The following PLEKHA5 variants were observed in gnomAD, a reference collection of about 807,000 sequenced individuals.
PLEKHA5 encodes pleckstrin homology domain-containing family A member 5.
Under a neutral mutation model 181.9 loss-of-function variants are expected in PLEKHA5, and 55 were observed. The observed-to-expected ratio is 0.30, with a 90% CI of 0.24 to 0.38. The LOEUF is 0.38. PLEKHA5 is among the 10% of genes least tolerant of loss of function. The pLI, the probability that PLEKHA5 is intolerant of heterozygous loss-of-function variation, is 1.00. For synonymous variants in PLEKHA5, 535 were observed against 529.4 expected, an observed-to-expected ratio of 1.01 and a Z score of -0.15; for missense variants, 1,432 against 1,549.5, an observed-to-expected ratio of 0.92 and a Z score of 1.27.
At chr12:19,264,795 GTC>G (rs1565537978) in intron 7 of PLEKHA5, among the ~76,000 whole-genome samples, 17 of 151,630 alleles carry the variant, frequency 1.1e-4, no homozygotes, top group Non-Finnish European at 1.9e-4. Context: ...AAACAAAAAA[GTC>G]ACACACAGCA....
intron 29 of PLEKHA5, among the ~76,000 whole-genome samples, chr12:19,363,787 C>T (rs375021006): frequency 6.6e-6 from 1 of 152,170 alleles, no homozygotes; most frequent in Admixed American, 6.6e-5. Flanking sequence ...CCACCATACC[C>T]AGCCTTAACT....
At chr12:19,329,496 A>T (rs1393003726) in intron 20 of PLEKHA5, among the ~76,000 whole-genome samples, 1 of 152,114 alleles carries the variant, frequency 6.6e-6, no homozygotes, top group African/African-American at 2.4e-5. Context: ...TTTTTATTAC[A>T]GATTCAATTT....
chr12:19,189,222 A>C (rs1451887207), intron 3 of PLEKHA5, among the ~76,000 whole-genome samples: 7 of 152,192 alleles, frequency 4.6e-5, no homozygotes, highest in Non-Finnish European at 8.8e-5. Context: ...GTGCAGGACC[A>C]AGTAGCTTCA....
intron 15 of PLEKHA5, among the ~76,000 whole-genome samples, chr12:19,313,514 T>C (rs968718589): frequency 3.3e-5 from 5 of 152,226 alleles, no homozygotes; most frequent in Non-Finnish European, 5.9e-5. Flanking sequence ...AAACATTCTG[T>C]ATGTTTTGAT....
intron 15 of PLEKHA5, among the ~76,000 whole-genome samples, chr12:19,312,953 A>T (rs931939353): frequency 6.6e-6 from 1 of 152,190 alleles, no homozygotes; most frequent in Non-Finnish European, 1.5e-5. Flanking sequence ...TTGCACTGTT[A>T]GAAGCCATTG....
rs375893272 is a variant in PLEKHA5 at position 19,195,183 on chromosome 12, AC to A, written c.228-58756del. On this transcript the variant is annotated intron_variant, in intron 3 of 31. Coordinates refer to ENST00000429027, the MANE Select transcript of PLEKHA5 (RefSeq NM_001256470.2). ...GACTAGGACTTGAACCTGAACCATC[AC>A]ACTCCAGATCTCTCCATACCACACT... Among the ~76,000 whole-genome samples, 831 of 152,208 alleles carry A rather than the reference AC, an allele frequency of 5.5e-3. 7 individuals are homozygous for A. Among genetic ancestry groups the A allele is most frequent in the African/African-American group, 0.019 (802 of 41,526 alleles).
chr12:19,134,521 T>C (rs1412026797), intron 3 of PLEKHA5, among the ~76,000 whole-genome samples: 2 of 152,138 alleles, frequency 1.3e-5, no homozygotes, highest in African/African-American at 4.8e-5. Context: ...ATGTACTGAA[T>C]GTTAGGTGCT....
chr12:19,172,065 CTAAAA>C lies in PLEKHA5; in HGVS notation c.227+39619_227+39623del, dbSNP rs2046025113. ...TTTTAATAAGTAGAAGGAGTACACT[CTAAAA>C]TAACAATAAAAAGAAAAGTTTGGTA... On this transcript the variant is annotated intron_variant, in intron 3 of 31. Coordinates refer to ENST00000429027, the MANE Select transcript of PLEKHA5 (RefSeq NM_001256470.2). Among the ~76,000 whole-genome samples, 5 of 152,114 alleles carry C rather than the reference CTAAAA, an allele frequency of 3.3e-5. 1 individual carries two copies. The highest frequency in any genetic ancestry group is 1.2e-4 in the African/African-American group (5 of 41,426).
At chr12:19,330,807 T>C (rs2092766788) in intron 20 of PLEKHA5, among the ~76,000 whole-genome samples, 1 of 152,130 alleles carries the variant, frequency 6.6e-6, no homozygotes, top group South Asian at 2.1e-4. Context: ...CCTCGAAATA[T>C]ACCAGTAAAA....
chr12:19,347,882 CT>C (rs527719770), intron 24 of PLEKHA5, among the ~76,000 whole-genome samples: 17,158 of 119,742 alleles, frequency 0.14, 950 homozygotes, highest in African/African-American at 0.25. Context: ...CAGAAATATT[CT>C]TTTTTTTTTT....
chr12:19,150,707 A>G (rs2040171835), intron 3 of PLEKHA5: 1 of 152,216 alleles, frequency 6.6e-6, no homozygotes, highest in Non-Finnish European at 1.5e-5. Flanking sequence ...ATGCTATGTC[A>G]CTGGTGCATT....
At chr12:19,172,385 A>G (rs2046108639) in intron 3 of PLEKHA5, among the ~76,000 whole-genome samples, 1 of 151,494 alleles carries the variant, frequency 6.6e-6, no homozygotes. Context: ...TGCAGTTCAT[A>G]TATCTGGCAA....
chr12:19,206,858 A>G, intron 3 of PLEKHA5, among the ~76,000 whole-genome samples: 1 of 152,130 alleles, frequency 6.6e-6, no homozygotes, highest in East Asian at 1.9e-4. Context: ...CATGATGCAT[A>G]CCTTGTTTAT....
Position 19,306,962 on chromosome 12 carries a change from A to T in PLEKHA5, c.2038-7852A>T, listed in dbSNP as rs1224758875. The T allele has an allele frequency of 3.9e-6, 5 of 1,273,492 alleles. 1 individual carries two copies. In the African/African-American group the frequency reaches 6.0e-5, roughly 15 times the overall value. The allele number at this position is 1,273,492 out of a possible 1,614,324, so 78.9% of individuals were successfully genotyped here. A position where few individuals can be genotyped will look rare whatever the true frequency, so the allele number is the denominator to read the frequency against. ...GGTGTTGGGCTCCTGCCTACTCCTAACCCACTTACTCAGACTGGCGCTGTT... is the reference window on the plus strand; with the variant it reads ...GGTGTTGGGCTCCTGCCTACTCCTATCCCACTTACTCAGACTGGCGCTGTT... On this transcript the variant is annotated intron_variant, in intron 15 of 31. Coordinates refer to ENST00000429027, the MANE Select transcript of PLEKHA5 (RefSeq NM_001256470.2).
intron 3 of PLEKHA5, chr12:19,153,092 C>T (rs1039736526): frequency 1.3e-5 from 2 of 151,156 alleles, no homozygotes; most frequent in African/African-American, 2.4e-5. Flanking sequence ...GCTAGTATTG[C>T]CAGTACAGTG....
At chr12:19,192,867 G>T (rs920067459) in intron 3 of PLEKHA5, among the ~76,000 whole-genome samples, 2 of 152,092 alleles carry the variant, frequency 1.3e-5, no homozygotes, top group Non-Finnish European at 2.9e-5. Context: ...TAATACTTTC[G>T]ATTAGGGGTT....
chr12:19,361,410 C>T (rs7963031), intron 28 of PLEKHA5, among the ~76,000 whole-genome samples, 172 bp from the exon 29 acceptor site: 11,673 of 152,198 alleles, frequency 0.077, 517 homozygotes, highest in African/African-American at 0.11. Flanking sequence ...GTCTCAATCT[C>T]CTGACCTCGT....
intron 3 of PLEKHA5, among the ~76,000 whole-genome samples, chr12:19,173,434 A>T (rs1034281214): frequency 2.1e-5 from 3 of 143,354 alleles, no homozygotes; most frequent in Admixed American, 7.4e-5. Context: ...ATCTCTGCCC[A>T]TCAGAATAGT....
At chr12:19,271,206 A>G (rs1471658753) in intron 10 of PLEKHA5, among the ~76,000 whole-genome samples, 2 of 152,204 alleles carry the variant, frequency 1.3e-5, no homozygotes, top group Admixed American at 6.5e-5. Context: ...GTGTAGGTGA[A>G]GAGAATTCAT....
Sources: allele counts gnomAD v4.1 joint callset (sites outside exome capture counted in the v4.1 genomes callset), GRCh38; gene constraint gnomAD v4.1.1; transcripts MANE v1.5; gene names NCBI Gene and HGNC (gene_info 2026-07-23, HGNC 2026-07-21).